FRMPD4: variants seen among roughly 807,000 people sequenced by gnomAD.
The protein encoded by FRMPD4 is FERM and PDZ domain-containing protein 4.
Under a neutral mutation model 94.1 loss-of-function variants are expected in FRMPD4, and 22 were observed. The ratio of observed to expected loss-of-function variants is 0.23; its 90% CI spans 0.17 to 0.33. The LOEUF is 0.33. Among genes scored for constraint, FRMPD4 ranks in the 10% least tolerant of loss-of-function variants. The pLI is 1.00. For missense variants in FRMPD4, 1,111 were observed against 1,339.9 expected (o/e 0.83, Z 2.67); for synonymous variants, 631 against 548.6 (o/e 1.15, Z -2.10).
chrX:11,985,754 G>A (rs1053043161), intron 3 of FRMPD4, among the ~76,000 whole-genome samples: 11 of 111,833 alleles, frequency 9.8e-5, no homozygotes, highest in Non-Finnish European at 1.9e-4. Flanking sequence ...CAGTGGCCTG[G>A]TAGAACTCTC....
chrX:12,710,850 G>A (rs983876962), intron 14 of FRMPD4, among the ~76,000 whole-genome samples: 3 of 110,858 alleles, frequency 2.7e-5, no homozygotes, highest in Non-Finnish European at 3.8e-5. Flanking sequence ...AGGTTGCAGT[G>A]AGCCGAGATC....
At chrX:12,537,748 G>A (rs1385966952) in intron 2 of FRMPD4, among the ~76,000 whole-genome samples, 1 of 109,833 alleles carries the variant, frequency 9.1e-6, no homozygotes, top group Non-Finnish European at 1.9e-5. Context: ...AAAATGACTG[G>A]CCTATATAGT....
intron 1 of FRMPD4, among the ~76,000 whole-genome samples, chrX:12,263,349 G>A (rs1332845813): frequency 1.8e-5 from 2 of 111,669 alleles, no homozygotes; most frequent in South Asian, 3.8e-4. Flanking sequence ...AAGAGCATTT[G>A]CAAGCAGACA....
chrX:12,424,579 T>C (rs1166466424), intron 1 of FRMPD4, among the ~76,000 whole-genome samples: 5 of 112,067 alleles, frequency 4.5e-5, no homozygotes, highest in Non-Finnish European at 7.5e-5. Context: ...ATCAGATAGA[T>C]CGAGGGTGGG....
At chrX:12,181,902 A>G (rs1276107108) in intron 1 of FRMPD4, among the ~76,000 whole-genome samples, 2 of 111,171 alleles carry the variant, frequency 1.8e-5, no homozygotes, top group East Asian at 5.7e-4. Flanking sequence ...TTTCCCTCCC[A>G]TTAGCAGCTT....
chrX:12,217,482 A>T (rs200973702), intron 1 of FRMPD4, among the ~76,000 whole-genome samples: 2 of 112,321 alleles, frequency 1.8e-5, no homozygotes, highest in African/African-American at 6.5e-5. Flanking sequence ...AAATGCATTC[A>T]TGTCTGTAAA....
chrX:12,373,006 TG>T (rs1372947659), intron 1 of FRMPD4, among the ~76,000 whole-genome samples: 1 of 112,127 alleles, frequency 8.9e-6, no homozygotes, highest in East Asian at 2.8e-4. Flanking sequence ...TTTAGAACTT[TG>T]GGGGACAGCA....
intron 3 of FRMPD4, among the ~76,000 whole-genome samples, chrX:12,053,394 GAA>G (rs1241280919): frequency 1.9e-4 from 16 of 85,887 alleles, no homozygotes; most frequent in Admixed American, 1.9e-3. Context: ...AAGAAAGAAA[GAA>G]AGAAAGAAAG....
chrX:12,372,951 G>A (rs2056183199), intron 1 of FRMPD4, among the ~76,000 whole-genome samples: 1 of 111,748 alleles, frequency 8.9e-6, no homozygotes, highest in African/African-American at 3.3e-5. Flanking sequence ...AGGAGTTGAT[G>A]GACCAAACCC....
At chrX:12,099,655 C>T (rs895293923) in intron 3 of FRMPD4, among the ~76,000 whole-genome samples, 11 of 112,371 alleles carry the variant, frequency 9.8e-5, no homozygotes, top group African/African-American at 9.7e-5. Context: ...CTATGTTCTA[C>T]TTGAGTTATT....
At chrX:12,187,976 A>G in intron 1 of FRMPD4, among the ~76,000 whole-genome samples, 1 of 111,756 alleles carries the variant, frequency 8.9e-6, no homozygotes, top group Admixed American at 9.5e-5. Flanking sequence ...CCAAACCAGC[A>G]TTCTGGCATA....
chrX:12,107,400 C>T (rs752639426), intron 3 of FRMPD4, among the ~76,000 whole-genome samples: 1 of 111,720 alleles, frequency 9.0e-6, no homozygotes, highest in East Asian at 2.8e-4. Context: ...CCCACCTGTA[C>T]GTCACCATCA....
intron 1 of FRMPD4, among the ~76,000 whole-genome samples, chrX:12,231,050 A>AATATATATAT (rs34870506): frequency 1.6e-3 from 49 of 30,544 alleles, no homozygotes; most frequent in African/African-American, 5.0e-3. Context: ...ATATATATAA[A>AATATATATAT]ATATATATAT....
At chrX:12,087,579 AAG>A (rs1270351482) in intron 3 of FRMPD4, among the ~76,000 whole-genome samples, 1 of 112,052 alleles carries the variant, frequency 8.9e-6, no homozygotes, top group Non-Finnish European at 1.9e-5. Context: ...ACTAAGCAGA[AAG>A]AGGTACAAAA....
chrX:12,131,181 A>G (rs2055549880), intron 3 of FRMPD4, among the ~76,000 whole-genome samples: 1 of 112,150 alleles, frequency 8.9e-6, no homozygotes, highest in Non-Finnish European at 1.9e-5. Context: ...GAAGGCCCAT[A>G]TAGCAAACGT....
At chrX:11,845,017 A>G (rs1468630503) in intron 1 of FRMPD4, among the ~76,000 whole-genome samples, 1 of 112,308 alleles carries the variant, frequency 8.9e-6, no homozygotes. Context: ...TTAATTTCTT[A>G]CACTTTTCAA....
chrX:11,861,273 C>G (rs1213207953), intron 1 of FRMPD4, among the ~76,000 whole-genome samples: 1 of 111,127 alleles, frequency 9.0e-6, no homozygotes, highest in Non-Finnish European at 1.9e-5. Context: ...GGTCAATTTG[C>G]TATGTGGCTC....
chrX:11,978,727 A>G (rs1297013676), intron 3 of FRMPD4, among the ~76,000 whole-genome samples: 2 of 112,110 alleles, frequency 1.8e-5, no homozygotes, highest in African/African-American at 3.2e-5. Context: ...ACAAAACTTT[A>G]CTTTGAAGCA....
chrX:12,263,649 G>A (rs903986762), intron 1 of FRMPD4, among the ~76,000 whole-genome samples: 15 of 111,440 alleles, frequency 1.3e-4, no homozygotes, highest in Non-Finnish European at 2.8e-4. Flanking sequence ...CCAAAGCCTG[G>A]GTAGCTATAG....
Sources: gnomAD v4.1 joint callset for allele counts (sites outside exome capture counted in the v4.1 genomes callset) on GRCh38, gnomAD v4.1.1 for gene constraint, MANE v1.5 for transcripts, NCBI Gene and HGNC (gene_info 2026-07-23, HGNC 2026-07-21) for gene names.